HNRNPA1L2: variants seen among roughly 807,000 people sequenced by gnomAD.
HNRNPA1L2 encodes heterogeneous nuclear ribonucleoprotein A1-like 2.
In HNRNPA1L2, 10 loss-of-function variants were observed where a neutral mutation model predicts 18.2. That is an observed-to-expected ratio of 0.55 (90% CI 0.34 to 0.93). HNRNPA1L2 has a LOEUF of 0.93. Among genes scored for constraint, HNRNPA1L2 ranks in the 40% least tolerant of loss-of-function variants. The pLI, the probability that HNRNPA1L2 is intolerant of heterozygous loss-of-function variation, is 0.02. For missense variants in HNRNPA1L2, 308 were observed against 394.4 expected (o/e 0.78, Z 1.85); for synonymous variants, 124 against 138.6 (o/e 0.89, Z 0.74).
At chr13:52,621,830 ATG>A in the HNRNPA1L2 span, among the ~76,000 whole-genome samples, 1 of 152,172 alleles carries the variant, frequency 6.6e-6, no homozygotes, top group Non-Finnish European at 1.5e-5. Context: ...GGCATATAGT[ATG>A]TGCTAATAAA....
At chr13:52,629,863 G>T in the HNRNPA1L2 span, among the ~76,000 whole-genome samples, 1 of 152,308 alleles carries the variant, frequency 6.6e-6, no homozygotes, top group South Asian at 2.1e-4. Context: ...GCCGAGGCAG[G>T]CGGATCACGA....
chr13:52,617,896 A>C, the HNRNPA1L2 span, among the ~76,000 whole-genome samples: 59 of 152,338 alleles, frequency 3.9e-4, no homozygotes, highest in Non-Finnish European at 7.3e-5. Flanking sequence ...AGCTCCAATT[A>C]CAAGCCGGGT....
Position 52,643,147 on chromosome 13 carries a change from G to A in HNRNPA1L2, c.655G>A (p.Gly219Arg), listed in dbSNP as rs1961720569. ...GFGGNDNFGR[G>R]GNFSGRGGFG... ...CGGTGGGAATGACAACTTTGGTCGT[G>A]GAGGAAACTTCAGTGGTCGTGGTGG... Residue 219 changes from glycine to arginine, a missense_variant, in exon 1 of 1, where the codon GGA becomes AGA. Physicochemically the swap from Gly to Arg is moderately radical, Grantham distance 125. Coordinates refer to ENST00000357495, the MANE Select transcript of HNRNPA1L2 (RefSeq NM_001389320.1). 6.3e-7 allele frequency: 1 copy of A among 1,598,106 alleles called. No homozygotes were observed. The highest frequency in any genetic ancestry group is 8.5e-7 in the Non-Finnish European group (1 of 1,179,782).
the HNRNPA1L2 span, among the ~76,000 whole-genome samples, chr13:52,637,150 T>C: frequency 5.9e-3 from 904 of 152,344 alleles, 3 homozygotes; most frequent in Non-Finnish European, 8.9e-3. Context: ...ATAATTTTTG[T>C]TGCTGTTATC....
upstream of HNRNPA1L2, chr13:52,641,155 T>C (rs892811821): frequency 1.3e-5 from 2 of 152,232 alleles, no homozygotes; most frequent in Admixed American, 1.3e-4. Flanking sequence ...CTGTCAGTAC[T>C]TGGCCTCTCC....
At chr13:52,619,605 A>G in the HNRNPA1L2 span, among the ~76,000 whole-genome samples, 1 of 151,604 alleles carries the variant, frequency 6.6e-6, no homozygotes, top group Non-Finnish European at 1.5e-5. Context: ...GAGCCGCTGC[A>G]CCTGACCAGT....
At chr13:52,635,172 C>T in the HNRNPA1L2 span, among the ~76,000 whole-genome samples, 2 of 152,108 alleles carry the variant, frequency 1.3e-5, no homozygotes, top group Non-Finnish European at 2.9e-5. Context: ...TGGTTAGACA[C>T]ATCTCTGCAC....
chr13:52,637,991 A>G (rs769229181), upstream of HNRNPA1L2, among the ~76,000 whole-genome samples: 1 of 152,198 alleles, frequency 6.6e-6, no homozygotes, highest in Non-Finnish European at 1.5e-5. Flanking sequence ...AGATTCTAAG[A>G]TAATTCTTAT....
At chr13:52,636,895 G>A in the HNRNPA1L2 span, among the ~76,000 whole-genome samples, 9 of 152,070 alleles carry the variant, frequency 5.9e-5, no homozygotes, top group East Asian at 3.9e-4. Context: ...GCAGTGGCCC[G>A]ATCTTGGCTT....
the HNRNPA1L2 span, among the ~76,000 whole-genome samples, chr13:52,625,702 T>C: frequency 0.44 from 67,002 of 152,144 alleles, 15,026 homozygotes; most frequent in Middle Eastern, 0.52. Context: ...ATAACAATGA[T>C]GTGGAATACG....
At chr13:52,638,834 C>T (rs542312346), upstream of HNRNPA1L2, among the ~76,000 whole-genome samples, 6 of 152,182 alleles carry the variant, frequency 3.9e-5, no homozygotes, top group East Asian at 3.9e-4. Context: ...ATACAAGTGA[C>T]GGTGGCAGAG....
chr13:52,625,613 A>G, the HNRNPA1L2 span, among the ~76,000 whole-genome samples: 1 of 152,180 alleles, frequency 6.6e-6, no homozygotes, highest in Non-Finnish European at 1.5e-5. Context: ...ATGAATATTC[A>G]CCTATGTTCT....
the HNRNPA1L2 span, among the ~76,000 whole-genome samples, chr13:52,631,224 C>T: frequency 1.3e-5 from 2 of 152,192 alleles, no homozygotes; most frequent in East Asian, 3.8e-4. Context: ...TTGGCACTGC[C>T]ACTGACTAAT....
Position 52,643,430 on chromosome 13 carries a change from G to C in HNRNPA1L2, c.938G>C (p.Ser313Thr). ...GGYGVSSSSS[S>T]YGSGRRF is the part of the protein sequence containing the mutation. The stretch of plus-strand genomic sequence containing the variant: ...TATGGCGTTTCCAGCAGCAGCAGTA[G>C]CTATGGCAGTGGCAGAAGATTTTAA... Residue 313 changes from serine to threonine, a missense_variant, in exon 1 of 1, where the codon AGC becomes ACC. Coordinates refer to ENST00000357495, the MANE Select transcript of HNRNPA1L2 (RefSeq NM_001389320.1). 1 of 1,598,384 alleles carries C rather than the reference G, an allele frequency of 6.3e-7. No homozygotes were observed. The highest frequency in any genetic ancestry group is 8.5e-7 in the Non-Finnish European group (1 of 1,179,762).
the HNRNPA1L2 span, among the ~76,000 whole-genome samples, chr13:52,634,910 C>T: frequency 1.3e-5 from 2 of 152,188 alleles, no homozygotes; most frequent in African/African-American, 2.4e-5. Flanking sequence ...GTGTGAGGCA[C>T]AGTGCCTGGA....
chr13:52,629,445 G>C, the HNRNPA1L2 span: 1 of 187,844 alleles, frequency 5.3e-6, no homozygotes, highest in Non-Finnish European at 1.2e-5. Context: ...GGGTGTGTAT[G>C]ATTGCTGTTG....
Position 52,643,105 on chromosome 13 carries a change from G to C in HNRNPA1L2, c.613G>C (p.Gly205Arg). 1.3e-6 allele frequency: 2 copies of C among 1,597,856 alleles called. No homozygotes were observed. The highest frequency in any genetic ancestry group is 1.7e-6 in the Non-Finnish European group (2 of 1,179,772). The change falls in exon 1 of 1, where the codon GGT becomes CGT. Residue 205 changes from glycine to arginine, a missense_variant. Coordinates refer to ENST00000357495, the MANE Select transcript of HNRNPA1L2 (RefSeq NM_001389320.1). The stretch of plus-strand genomic sequence containing the variant: ...AAGGGGTTCTGGAAACTTTGGTGGT[G>C]GTCGTGGAGATGGTTTCGGTGGGAA... ...GRRGSGNFGG[G>R]RGDGFGGNDN...
rs1961700619 is a variant in HNRNPA1L2 at position 52,642,751 on chromosome 13, AAG to A, written c.264_265del (p.Arg88SerfsTer25). 2 of 1,599,404 alleles carry A rather than the reference AAG, an allele frequency of 1.3e-6. No individual in the cohort carries two copies. The highest frequency in any genetic ancestry group is 2.7e-5 in the African/African-American group (2 of 74,980). The part of the protein sequence containing the change: ...HKVDGRVVEP[K>X]RAVSREDSQR... ...GGTGGATGGAAGAGTTGTGGAACCA[AAG>A]AGAGCTGTCTCCAGAGAAGATTCTC... On this transcript the variant is annotated frameshift_variant, in exon 1 of 1. Transcript: ENST00000357495. LOFTEE classifies it high-confidence loss of function.
upstream of HNRNPA1L2, among the ~76,000 whole-genome samples, chr13:52,639,882 T>TTTTTTTG (rs1566162090): frequency 2.8e-3 from 313 of 112,296 alleles, 2 homozygotes; most frequent in African/African-American, 9.4e-3. Flanking sequence ...TCTTGTTTTT[T>TTTTTTTG]TTTTTTTTTT....
Sources: gnomAD v4.1 joint callset for allele counts (sites outside exome capture counted in the v4.1 genomes callset) on GRCh38, gnomAD v4.1.1 for gene constraint, MANE v1.5 for transcripts, NCBI Gene and HGNC (gene_info 2026-07-23, HGNC 2026-07-21) for gene names.